IL17RA: variants seen among roughly 807,000 people sequenced by gnomAD.
IL17RA encodes the protein interleukin 17 receptor A.
Under a neutral mutation model 50.4 loss-of-function variants are expected in IL17RA, and 34 were observed. The observed-to-expected ratio is 0.67, with a 90% CI of 0.51 to 0.90. IL17RA has a LOEUF of 0.90. Among genes scored for constraint, IL17RA ranks in the 40% least tolerant of loss-of-function variants. The pLI, the probability that IL17RA is intolerant of heterozygous loss-of-function variation, is 0.00. For synonymous variants in IL17RA, 585 were observed against 510.4 expected (o/e 1.15, Z -1.97); for missense variants, 1,276 against 1,169.8 (o/e 1.09, Z -1.32).
Position 17,108,976 on chromosome 22 carries a change from A to C in IL17RA, c.1757A>C (p.Glu586Ala). ...DWQVRCPDWF[E>A]CENLYSADDQ... ...CAGGTCCGCTGTCCCGACTGGTTCG[A>C]ATGTGAGAACCTCTACTCAGCAGAT... The change falls in exon 13 of 13, where the codon GAA becomes GCA. Residue 586 changes from glutamate (E) to alanine (A), a missense_variant. By Grantham distance (107) the Glu-to-Ala change is moderately radical (BLOSUM62 -1). Transcript: ENST00000319363. 2.5e-6 allele frequency: 4 copies of C among 1,604,874 alleles called. No homozygotes were observed. The South Asian group carries it at 4.4e-5, about 18-fold the overall frequency.
intron 1 of IL17RA, among the ~76,000 whole-genome samples, chr22:17,094,691 CTATATA>C (rs1188416715): frequency 2.0e-4 from 5 of 24,702 alleles, no homozygotes; most frequent in South Asian, 1.8e-3. Context: ...CTCTCTCTCT[CTATATA>C]TATATATATA....
Position 17,109,151 on chromosome 22 carries a change from A to T in IL17RA, c.1932A>T (p.Gly644=). The T allele has an allele frequency of 6.5e-7, 1 of 1,534,628 alleles. No homozygotes were observed. Among genetic ancestry groups the T allele is most frequent in the Non-Finnish European group, 8.7e-7 (1 of 1,146,966 alleles). Residue 644 remains glycine, a synonymous_variant, in exon 13 of 13, where the codon GGA becomes GGT. Coordinates refer to ENST00000319363, the MANE Select transcript of IL17RA (RefSeq NM_014339.7). The part of the protein sequence containing the change: ...AIDPLVGEEG[G]AAVAKLEPHL... ...ACCCGCTGGTCGGGGAGGAAGGAGG[A>T]GCAGCAGTGGCAAAGCTGGAACCTC...
rs112267700 is a variant in IL17RA at position 17,103,527 on chromosome 22, G to A, written c.796G>A (p.Val266Ile). The change falls in exon 8 of 13, where the codon GTC (valine) becomes ATC (isoleucine). Residue 266 changes from valine (V) to isoleucine (I), a missense_variant. Coordinates refer to ENST00000319363, the MANE Select transcript of IL17RA (RefSeq NM_014339.7). ...RPEEFHQRSN[V>I]TLTLRNLKGC... ...AGAAGAGTTCCACCAGCGATCCAAC[G>A]TCACACTCACTCTACGCAACCTTAA... The A allele has an allele frequency of 1.2e-5, 19 of 1,613,568 alleles. No individual in the cohort carries two copies. The highest frequency in any genetic ancestry group is 4.4e-5 in the South Asian group (4 of 90,996).
Position 17,090,259 on chromosome 22 carries a change from G to A in IL17RA, c.138+5030G>A, listed in dbSNP as rs141885866. Reference sequence around the variant, plus strand: ...GGCCAGTCTCGAACTCCTGAGCTCAGGCAATCCACCTGCCTCGGCCTCCCA... The same window carrying A: ...GGCCAGTCTCGAACTCCTGAGCTCAAGCAATCCACCTGCCTCGGCCTCCCA... On this transcript the variant is annotated intron_variant, in intron 1 of 12. Transcript: ENST00000319363. 2.9e-4 allele frequency among the ~76,000 whole-genome samples: 44 copies of A among 152,228 alleles called. 1 individual carries two copies. Among genetic ancestry groups the A allele is most frequent in the African/African-American group, 1.1e-3 (44 of 41,550 alleles).
chr22:17,100,473 T>C lies in IL17RA; in HGVS notation c.542T>C (p.Leu181Pro). The change falls in exon 5 of 13, where the codon CTT becomes CCT. Residue 181 changes from leucine to proline, a missense_variant. Transcript: ENST00000319363. Reference sequence around the variant, plus strand: ...CCAAACCACCAGTCCAAGAATTTCCTTGTGCCTGGTAAGAGCATCCTCCCA... The same window carrying C: ...CCAAACCACCAGTCCAAGAATTTCCCTGTGCCTGGTAAGAGCATCCTCCCA... The part of the protein sequence containing the change: ...GDPNHQSKNF[L>P]VPDCEHARMK... 1.2e-6 allele frequency: 2 copies of C among 1,614,106 alleles called. No homozygotes were observed. Among genetic ancestry groups the C allele is most frequent in the Non-Finnish European group, 1.7e-6 (2 of 1,180,028 alleles).
At chr22:17,105,520 G>A (rs2061410362) in intron 9 of IL17RA, 71 bp from the exon 10 acceptor site, 1 of 1,486,600 alleles carries the variant, frequency 6.7e-7, no homozygotes, top group African/African-American at 1.4e-5. Context: ...AGGGACGTCA[G>A]TTGTGTTTCT....
intron 8 of IL17RA, among the ~76,000 whole-genome samples, 177 bp downstream of exon 8, chr22:17,103,754 GTGTC>G (rs1218134649): frequency 1.4e-5 from 2 of 148,058 alleles, no homozygotes; most frequent in Non-Finnish European, 3.0e-5. Context: ...AGAGTGTGGT[GTGTC>G]TGGGAGTGGG....
chr22:17,107,799 A>C (rs1441729422), intron 12 of IL17RA, 31 bp downstream of exon 12: 1 of 1,603,414 alleles, frequency 6.2e-7, no homozygotes, highest in Non-Finnish European at 8.5e-7. Context: ...ATGTTTGCTT[A>C]TTTTTAAAGC....
intron 1 of IL17RA, among the ~76,000 whole-genome samples, chr22:17,094,673 C>CTATATATATATATATGTGTGTA (rs1568917416): frequency 4.2e-5 from 2 of 47,850 alleles, no homozygotes; most frequent in Non-Finnish European, 8.1e-5. Flanking sequence ...CTCTCTCTCT[C>CTATATATATATATATGTGTGTA]TCTCTCTCTC....
At chr22:17,087,976 A>T (rs1431670587) in intron 1 of IL17RA, among the ~76,000 whole-genome samples, 1 of 152,132 alleles carries the variant, frequency 6.6e-6, no homozygotes, top group African/African-American at 2.4e-5. Context: ...CACTTTCATC[A>T]TGCCACTCTT....
chr22:17,088,070 G>A (rs1019077461), intron 1 of IL17RA, among the ~76,000 whole-genome samples: 1 of 152,176 alleles, frequency 6.6e-6, no homozygotes, highest in Admixed American at 6.5e-5. Flanking sequence ...CTCAACGACA[G>A]CTTACAAGGT....
At chr22:17,100,975 C>A (rs1250936449) in intron 5 of IL17RA, among the ~76,000 whole-genome samples, 1 of 152,222 alleles carries the variant, frequency 6.6e-6, no homozygotes, top group East Asian at 1.9e-4. Context: ...CCAGGCTTTT[C>A]TTCTCAGGCA....
At chr22:17,086,454 C>T (rs2061328617) in intron 1 of IL17RA, among the ~76,000 whole-genome samples, 1 of 152,086 alleles carries the variant, frequency 6.6e-6, no homozygotes, top group South Asian at 2.1e-4. Context: ...GCAGGTCCCT[C>T]TGCCCTGCTA....
chr22:17,108,689 C>G lies in IL17RA; in HGVS notation c.1470C>G (p.Phe490Leu). 9 of 1,609,258 alleles carry G rather than the reference C, an allele frequency of 5.6e-6. No individual in the cohort carries two copies. Among genetic ancestry groups the G allele is most frequent in the Non-Finnish European group, 7.6e-6 (9 of 1,179,866 alleles). Residue 490 changes from phenylalanine (F) to leucine (L), a missense_variant, in exon 13 of 13, where the codon TTC becomes TTG. Transcript: ENST00000319363. Reference protein sequence around the residue: ...TAAMNMILPDFKRPACFGTYV... With the variant: ...TAAMNMILPDLKRPACFGTYV... ...CCATGAACATGATCCTCCCGGACTT[C>G]AAGAGGCCAGCCTGCTTCGGCACCT... is the stretch of plus-strand genomic sequence containing the variant.
rs2061436230 is a variant in IL17RA, at chr22:17,110,406, G to A, written c.*586G>A. 1 of 161,210 alleles carries A rather than the reference G, an allele frequency of 6.2e-6. No individual in the cohort carries two copies. Among genetic ancestry groups the A allele is most frequent in the South Asian group, 1.6e-4 (1 of 6,222 alleles). 10.0% of individuals were successfully genotyped at this position (161,210 alleles called of 1,614,324 possible). A position where few individuals can be genotyped will look rare whatever the true frequency, so the allele number is the denominator to read the frequency against. ...CTAGCTACTTGGGAGGCTGAGGCAGGAGAATTGCTTGAATCTGGGAGGCAG... is the reference window on the plus strand; with the variant it reads ...CTAGCTACTTGGGAGGCTGAGGCAGAAGAATTGCTTGAATCTGGGAGGCAG... On this transcript the variant is annotated 3_prime_UTR_variant, in exon 13 of 13. Transcript: ENST00000319363.
chr22:17,107,655 C>A (rs2061419769), intron 11 of IL17RA, 72 bp from the exon 12 acceptor site: 5 of 1,313,488 alleles, frequency 3.8e-6, no homozygotes, highest in Non-Finnish European at 5.5e-6. Context: ...AGGGATGGGG[C>A]AGACACCCTG....
chr22:17,099,908 A>G (rs2061383625), intron 4 of IL17RA, among the ~76,000 whole-genome samples: 2 of 152,282 alleles, frequency 1.3e-5, no homozygotes, highest in Middle Eastern at 3.4e-3. Flanking sequence ...TTACTCCATA[A>G]TGGTCTCAAG....
At chr22:17,097,191 T>C (rs2061371459) in intron 2 of IL17RA, 105 bp downstream of exon 2, 2 of 1,113,230 alleles carry the variant, frequency 1.8e-6, no homozygotes, top group South Asian at 2.5e-5. Context: ...AGGTTCAGGC[T>C]GTGAGCTACA....
intron 1 of IL17RA, among the ~76,000 whole-genome samples, chr22:17,086,582 T>C (rs1416590567): frequency 1.3e-5 from 2 of 152,094 alleles, no homozygotes; most frequent in Non-Finnish European, 2.9e-5. Flanking sequence ...ACTGGAACTA[T>C]AAATAAATAC....
Sources: gnomAD v4.1 joint callset for allele counts (sites outside exome capture counted in the v4.1 genomes callset) on GRCh38, gnomAD v4.1.1 for gene constraint, MANE v1.5 for transcripts, NCBI Gene and HGNC (gene_info 2026-07-23, HGNC 2026-07-21) for gene names.